Variants in SLC24A3 observed in about 807,000 individuals in gnomAD.
SLC24A3 encodes solute carrier family 24 member 3, also known as sodium/potassium/calcium exchanger 3.
A neutral mutation model predicts 75.8 loss-of-function variants in SLC24A3; 28 were observed. The ratio of observed to expected loss-of-function variants is 0.37; its 90% CI spans 0.27 to 0.51. The LOEUF (loss-of-function observed/expected upper bound fraction) is 0.51, where lower values mean the gene tolerates loss of function less well. Ranked by LOEUF, SLC24A3 falls within the 20% of genes least tolerant of loss-of-function variation. The pLI is 0.94. For missense variants in SLC24A3, 663 were observed against 847.8 expected (o/e 0.78, Z 2.71); for synonymous variants, 372 against 334.1 (o/e 1.11, Z -1.24).
At chr20:19,247,305 T>C (rs1982522932) in intron 1 of SLC24A3, among the ~76,000 whole-genome samples, 1 of 152,206 alleles carries the variant, frequency 6.6e-6, no homozygotes, top group Admixed American at 6.5e-5. Flanking sequence ...CCCACTCTCC[T>C]ACCTACCCTC....
intron 1 of SLC24A3, among the ~76,000 whole-genome samples, chr20:19,250,556 G>T (rs1982623328): frequency 1.3e-5 from 2 of 152,198 alleles, no homozygotes; most frequent in African/African-American, 2.4e-5. Flanking sequence ...AGAATCAGAT[G>T]TCTTTGCCTG....
At chr20:19,678,620 G>A (rs1253089492) in intron 9 of SLC24A3, among the ~76,000 whole-genome samples, 3 of 137,016 alleles carry the variant, frequency 2.2e-5, no homozygotes, top group African/African-American at 5.5e-5. Flanking sequence ...CCCGGACGGG[G>A]CGGCTGGCCC....
intron 2 of SLC24A3, among the ~76,000 whole-genome samples, chr20:19,391,709 T>C (rs1039936157): frequency 6.6e-6 from 1 of 152,140 alleles, no homozygotes; most frequent in Non-Finnish European, 1.5e-5. Context: ...AGCATAGTCT[T>C]TGGGAGTCTT....
chr20:19,636,845 C>T (rs551185448), intron 6 of SLC24A3, among the ~76,000 whole-genome samples: 2 of 152,212 alleles, frequency 1.3e-5, no homozygotes, highest in Admixed American at 6.5e-5. Flanking sequence ...AGCTGTCTAC[C>T]AAGTAACCGA....
chr20:19,305,071 A>C (rs988650026), intron 2 of SLC24A3, among the ~76,000 whole-genome samples: 1 of 152,166 alleles, frequency 6.6e-6, no homozygotes, highest in Non-Finnish European at 1.5e-5. Context: ...CAACTCTGCC[A>C]TGGGCTGTCA....
chr20:19,261,289 C>T (rs1050512442), intron 1 of SLC24A3, among the ~76,000 whole-genome samples: 1 of 152,136 alleles, frequency 6.6e-6, no homozygotes, highest in Non-Finnish European at 1.5e-5. Context: ...AATGGACCCC[C>T]AAGAAGGGGG....
intron 2 of SLC24A3, among the ~76,000 whole-genome samples, chr20:19,297,181 T>C (rs1290177218): frequency 6.6e-6 from 1 of 152,216 alleles, no homozygotes; most frequent in Non-Finnish European, 1.5e-5. Flanking sequence ...TTAGTAGACT[T>C]CAAAGTAATT....
chr20:19,232,281 T>G (rs1001007620), intron 1 of SLC24A3, among the ~76,000 whole-genome samples: 6 of 152,240 alleles, frequency 3.9e-5, no homozygotes, highest in Non-Finnish European at 5.9e-5. Context: ...ATTCTATTTA[T>G]TTTGTGATGA....
At chr20:19,511,260 G>T (rs989398306) in intron 2 of SLC24A3, among the ~76,000 whole-genome samples, 3 of 152,032 alleles carry the variant, frequency 2.0e-5, no homozygotes, top group African/African-American at 7.3e-5. Context: ...CCAGCCTAAG[G>T]CATGGGCATT....
At chr20:19,307,496 A>G (rs1984360347) in intron 2 of SLC24A3, among the ~76,000 whole-genome samples, 1 of 152,242 alleles carries the variant, frequency 6.6e-6, no homozygotes, top group Admixed American at 6.5e-5. Context: ...GCAAAGTAAC[A>G]CAGGAACAGA....
chr20:19,360,828 A>AT (rs5840838), intron 2 of SLC24A3, among the ~76,000 whole-genome samples: 368 of 144,968 alleles, frequency 2.5e-3, no homozygotes, highest in Non-Finnish European at 3.0e-3. Context: ...GCATGCAGAA[A>AT]TTTTTTTTTT....
At chr20:19,700,895 A>G (rs73285765) in intron 15 of SLC24A3, among the ~76,000 whole-genome samples, 20,898 of 152,186 alleles carry the variant, frequency 0.14, 1,697 homozygotes, top group African/African-American at 0.22. Context: ...ACATTAACCT[A>G]TAGGTTTTAG....
intron 8 of SLC24A3, among the ~76,000 whole-genome samples, chr20:19,672,749 C>T (rs578212832): frequency 3.9e-5 from 6 of 152,220 alleles, no homozygotes; most frequent in South Asian, 4.1e-4. Flanking sequence ...TAAACACTGC[C>T]GCAGGAAAAA....
chr20:19,519,435 G>A (rs1364300399), intron 3 of SLC24A3, among the ~76,000 whole-genome samples: 1 of 152,180 alleles, frequency 6.6e-6, no homozygotes, highest in Non-Finnish European at 1.5e-5. Context: ...CAGCTTGAAT[G>A]TTCCCTTGGA....
chr20:19,480,916 A>G (rs1988041997), intron 2 of SLC24A3, among the ~76,000 whole-genome samples: 3 of 152,202 alleles, frequency 2.0e-5, no homozygotes, highest in Non-Finnish European at 2.9e-5. Flanking sequence ...AATTTAACAA[A>G]TACATATTGA....
intron 3 of SLC24A3, among the ~76,000 whole-genome samples, 195 bp from the exon 4 acceptor site, chr20:19,579,805 G>C (rs1417010505): frequency 1.3e-5 from 2 of 152,206 alleles, no homozygotes; most frequent in Non-Finnish European, 2.9e-5. Context: ...CAAAAGGAGA[G>C]TGACAGGTGA....
chr20:19,467,271 A>G (rs1308307902), intron 2 of SLC24A3, among the ~76,000 whole-genome samples: 1 of 152,170 alleles, frequency 6.6e-6, no homozygotes. Flanking sequence ...AATGAAAGAG[A>G]ATGTGCTGGT....
chr20:19,400,239 T>C (rs1986527004), intron 2 of SLC24A3, among the ~76,000 whole-genome samples: 2 of 152,222 alleles, frequency 1.3e-5, no homozygotes, highest in Admixed American at 6.5e-5. Flanking sequence ...GTGCTGGATA[T>C]GTTTGTATTC....
chr20:19,564,373 A>G (rs113892227), intron 3 of SLC24A3, among the ~76,000 whole-genome samples: 4,222 of 152,276 alleles, frequency 0.028, 95 homozygotes, highest in South Asian at 0.087. Context: ...CAATGCCACC[A>G]TCATCACTAT....
Sources: allele counts gnomAD v4.1 joint callset (sites outside exome capture counted in the v4.1 genomes callset), GRCh38; gene constraint gnomAD v4.1.1; transcripts MANE v1.5; gene names NCBI Gene and HGNC (gene_info 2026-07-23, HGNC 2026-07-21).